Variants in LONRF3 observed in about 807,000 individuals in gnomAD.
LONRF3 encodes LON peptidase N-terminal domain and RING finger protein 3.
A neutral mutation model predicts 51.7 loss-of-function variants in LONRF3; 19 were observed. The observed-to-expected ratio is 0.37, with a 90% CI of 0.26 to 0.54. The LOEUF (loss-of-function observed/expected upper bound fraction) is 0.54, where lower values mean the gene tolerates loss of function less well. LONRF3 is among the 20% of genes least tolerant of loss of function. The pLI, the probability that LONRF3 is intolerant of heterozygous loss-of-function variation, is 0.86. For synonymous variants in LONRF3, 265 were observed against 257.8 expected (o/e 1.03, Z -0.27); for missense variants, 521 against 623.9 (o/e 0.84, Z 1.76).
chrX:119,005,599 A>G (rs1924651632), intron 5 of LONRF3, among the ~76,000 whole-genome samples: 1 of 112,287 alleles, frequency 8.9e-6, no homozygotes, highest in African/African-American at 3.2e-5. Context: ...TACAATTTTG[A>G]TATCCTTCAG....
chrX:119,016,568 C>T (rs1461970893), intron 10 of LONRF3, among the ~76,000 whole-genome samples: 2 of 111,098 alleles, frequency 1.8e-5, no homozygotes, highest in East Asian at 2.8e-4. Context: ...AGGATGGTCT[C>T]GATCTCCTGA....
In LONRF3 at chrX:118,974,704, G is replaced by T; in HGVS notation, c.-77G>T. 1 of 940,088 alleles carries T rather than the reference G, an allele frequency of 1.1e-6. No homozygotes were observed. Among genetic ancestry groups the T allele is most frequent in the South Asian group, 2.5e-5 (1 of 39,942 alleles). The allele number at this position is 940,088 out of a possible 1,213,427, so 77.5% of individuals were successfully genotyped here. On this transcript the variant is annotated 5_prime_UTR_variant, in exon 1 of 11. Coordinates refer to ENST00000371628, the MANE Select transcript of LONRF3 (RefSeq NM_001031855.3). ...GTGGCATGGCGGCGGTGGCTGCCCCGATTTCCTCCAGCTGCCACTCCTTGC... is the reference window on the plus strand; with the variant it reads ...GTGGCATGGCGGCGGTGGCTGCCCCTATTTCCTCCAGCTGCCACTCCTTGC...
In LONRF3 at chrX:118,975,480, G is replaced by T; in HGVS notation, c.700G>T (p.Gly234Cys). ...RVNVVLSGLL[G>C]KLFPGPARAS... ...CAACGTGGTGCTCAGCGGCCTCCTC[G>T]GCAAGTTGTTTCCAGGCCCAGCGCG... The change falls in exon 1 of 11, where the codon GGC becomes TGC. Residue 234 changes from glycine (G) to cysteine (C), a missense_variant. Gly to Cys is a radical substitution (Grantham distance 159). Around this residue, in one of 2 missense-constraint regions of LONRF3, gnomAD observed 376 missense variants for 376.7 expected, o/e 1.00. Transcript: ENST00000371628. 1 of 1,200,978 alleles carries T rather than the reference G, an allele frequency of 8.3e-7. No homozygotes were observed. The highest frequency in any genetic ancestry group is 1.1e-6 in the Non-Finnish European group (1 of 890,872).
chrX:118,978,244 T>A, intron 1 of LONRF3, 101 bp from the exon 2 acceptor site: 1 of 534,038 alleles, frequency 1.9e-6, no homozygotes, highest in Non-Finnish European at 3.3e-6. Flanking sequence ...AGAAAAGTCC[T>A]AGAAAACTTA....
In LONRF3 at chrX:118,998,455, G is replaced by C. The variant is rs112242338; in HGVS notation, c.1416-7666G>C. 2.7e-3 allele frequency among the ~76,000 whole-genome samples: 295 copies of C among 109,734 alleles called. 2 individuals carry two copies. Among genetic ancestry groups the C allele is most frequent in the African/African-American group, 9.4e-3 (283 of 30,075 alleles). ...ATGATACAATGGACTTGGGGACTTG[G>C]GGGGAAAAGTGGGAAGGGGGTGAAG... On this transcript the variant is annotated intron_variant, in intron 5 of 10. Transcript: ENST00000371628.
At chrX:118,975,725 T>TG in intron 1 of LONRF3, 128 bp downstream of exon 1, 2 of 40,059 alleles carry the variant, frequency 5.0e-5, no homozygotes, top group East Asian at 5.9e-4. Flanking sequence ...CCATGGACTG[T>TG]GGCGGGGTGG....
At chrX:118,980,582 GAGA>G (rs1277469909) in intron 2 of LONRF3, among the ~76,000 whole-genome samples, 1 of 105,337 alleles carries the variant, frequency 9.5e-6, no homozygotes, top group Non-Finnish European at 2.0e-5. Context: ...TTTTTTTTCT[GAGA>G]AGGTTTTCTT....
intron 6 of LONRF3, 79 bp downstream of exon 6, chrX:119,006,314 C>A (rs1924701260): frequency 1.4e-6 from 1 of 710,381 alleles, no homozygotes; most frequent in African/African-American, 2.2e-5. Flanking sequence ...GAATTGGGCA[C>A]TAAGACAGTG....
At chrX:119,012,025 G>C (rs773834878) in intron 8 of LONRF3, 52 bp downstream of exon 8, 5 of 1,173,742 alleles carry the variant, frequency 4.3e-6, no homozygotes, top group Middle Eastern at 2.4e-4. Context: ...AGGGATTTCT[G>C]TTTTACTTTG....
At chrX:119,014,058 A>G in intron 9 of LONRF3, 149 bp from the exon 10 acceptor site, 1 of 558,593 alleles carries the variant, frequency 1.8e-6, no homozygotes, top group Non-Finnish European at 2.9e-6. Flanking sequence ...ACTAAGGGGC[A>G]TTTCACATCA....
intron 5 of LONRF3, among the ~76,000 whole-genome samples, chrX:119,000,586 G>A (rs1924203380): frequency 8.9e-6 from 1 of 112,048 alleles, no homozygotes; most frequent in Non-Finnish European, 1.9e-5. Flanking sequence ...CACCTCTGGG[G>A]CTGCTATGGA....
intron 5 of LONRF3, among the ~76,000 whole-genome samples, chrX:119,001,285 T>C (rs1408502558): frequency 8.9e-6 from 1 of 111,837 alleles, no homozygotes; most frequent in African/African-American, 3.3e-5. Context: ...GGATGATGTC[T>C]ATTTGGATGC....
intron 5 of LONRF3, among the ~76,000 whole-genome samples, chrX:119,002,311 C>T (rs73602815): frequency 0.012 from 1,348 of 111,830 alleles, 22 homozygotes; most frequent in African/African-American, 0.041. Flanking sequence ...GCTTTACTAC[C>T]CGAATATGTG....
intron 5 of LONRF3, 116 bp downstream of exon 5, chrX:118,990,676 G>A: frequency 3.7e-6 from 2 of 540,232 alleles, no homozygotes; most frequent in Non-Finnish European, 6.2e-6. Context: ...TAGCTCTAAC[G>A]GAATGGAAAT....
At chrX:119,000,156 C>T (rs979782458) in intron 5 of LONRF3, among the ~76,000 whole-genome samples, 7 of 111,566 alleles carry the variant, frequency 6.3e-5, no homozygotes, top group Admixed American at 4.8e-4. Context: ...CCTCATGTGT[C>T]CTTGGGGGAG....
intron 3 of LONRF3, chrX:118,986,959 G>T: frequency 2.6e-6 from 3 of 1,154,167 alleles, no homozygotes; most frequent in Non-Finnish European, 3.4e-6. Flanking sequence ...TCAGTCCCGG[G>T]GGATTCTCAG....
intron 9 of LONRF3, among the ~76,000 whole-genome samples, chrX:119,013,534 AT>A (rs1925251202): frequency 8.9e-6 from 1 of 112,087 alleles, no homozygotes; most frequent in South Asian, 3.7e-4. Flanking sequence ...TATATATTTT[AT>A]CTATCGATTT....
At position 119,011,991 on chromosome X, in the gene LONRF3, C is replaced by G; in HGVS notation, c.1811+18C>G. 8.3e-7 allele frequency: 1 copy of G among 1,207,681 alleles called. No individual in the cohort carries two copies. Among genetic ancestry groups the G allele is most frequent in the Non-Finnish European group, 1.1e-6 (1 of 892,545 alleles). The stretch of plus-strand genomic sequence containing the variant: ...GTCAAAGGGTAAGTGAGGAGCCATG[C>G]GAGCAAAGGGAGGTTGTGTAATGAG... On this transcript the variant is annotated intron_variant, in intron 8 of 10. Transcript: ENST00000371628.
rs1163913359 is a variant in LONRF3, at chrX:119,018,074, A to G, written c.*384A>G. 8.5e-6 allele frequency: 1 copy of G among 118,281 alleles called. No individual in the cohort carries two copies. Among genetic ancestry groups the G allele is most frequent in the East Asian group, 2.6e-4 (1 of 3,814 alleles). 9.7% of individuals were successfully genotyped at this position (118,281 alleles called of 1,213,427 possible). On this transcript the variant is annotated 3_prime_UTR_variant, in exon 11 of 11. Coordinates refer to ENST00000371628, the MANE Select transcript of LONRF3 (RefSeq NM_001031855.3). The stretch of plus-strand genomic sequence containing the variant: ...ACAAAGATACTAATAATGTTGCTGT[A>G]TAATTTCACTGACTTGAGGTCTCAT...
Sources: gnomAD v4.1 joint callset for allele counts (sites outside exome capture counted in the v4.1 genomes callset) on GRCh38, gnomAD v4.1.1 for gene constraint, gnomAD v4.1.1 regional missense constraint, MANE v1.5 for transcripts, NCBI Gene and HGNC (gene_info 2026-07-23, HGNC 2026-07-21) for gene names.